Variants in RANBP2 observed in about 807,000 individuals in gnomAD.
The protein encoded by RANBP2 is E3 SUMO-protein ligase RanBP2.
RANBP2 carries 57 observed loss-of-function variants against 303.6 expected under a neutral mutation model. The observed-to-expected ratio is 0.19, with a 90% CI of 0.15 to 0.23. The LOEUF is 0.23. RANBP2 is among the 10% of genes least tolerant of loss of function. RANBP2 has a pLI of 1.00. For missense variants in RANBP2, 3,138 were observed against 3,780.8 expected (o/e 0.83, Z 4.46); for synonymous variants, 1,167 against 1,301.5 (o/e 0.90, Z 2.23).
the RANBP2 span, chr2:109,618,810 A>C: frequency 6.0e-6 from 1 of 167,048 alleles, no homozygotes; most frequent in Non-Finnish European, 1.5e-5. Context: ...GTCACATTTC[A>C]CTTTCATGGT....
At chr2:109,538,553 G>A in the RANBP2 span, among the ~76,000 whole-genome samples, 1 of 152,234 alleles carries the variant, frequency 6.6e-6, no homozygotes, top group Non-Finnish European at 1.5e-5. Context: ...GTCTCACTCT[G>A]TCGTCCAGGC....
At chr2:108,890,706 A>G in the RANBP2 span, among the ~76,000 whole-genome samples, 3 of 152,168 alleles carry the variant, frequency 2.0e-5, no homozygotes, top group Non-Finnish European at 4.4e-5. Context: ...TTGAATGTCT[A>G]AATCTCTAGA....
chr2:108,774,278 G>C (rs1002134756), intron 23 of RANBP2, among the ~76,000 whole-genome samples: 2 of 152,140 alleles, frequency 1.3e-5, no homozygotes, highest in Non-Finnish European at 2.9e-5. Context: ...GTAGTTTTCT[G>C]ATACTGTCTT....
the RANBP2 span, chr2:108,907,776 G>T: frequency 1.3e-6 from 2 of 1,519,254 alleles, no homozygotes; most frequent in Non-Finnish European, 9.1e-7. Flanking sequence ...TTGCAGGAGA[G>T]CTGATTCAAT....
the RANBP2 span, chr2:108,884,540 TG>T: frequency 3.3e-5 from 5 of 152,188 alleles, no homozygotes; most frequent in Non-Finnish European, 5.9e-5. Flanking sequence ...AAGAGATCTT[TG>T]TTTTGTTTTT....
the RANBP2 span, among the ~76,000 whole-genome samples, chr2:108,836,984 A>G: frequency 6.6e-6 from 1 of 151,964 alleles, no homozygotes; most frequent in East Asian, 1.9e-4. Flanking sequence ...CTTTCGACAT[A>G]TAAGGTCATG....
At chr2:108,910,695 CGAG>C in the RANBP2 span, 1 of 1,523,570 alleles carries the variant, frequency 6.6e-7, no homozygotes, top group Non-Finnish European at 9.1e-7. Flanking sequence ...GCAGAAGCAG[CGAG>C]GAGGCTGCTT....
chr2:109,305,818 C>T, the RANBP2 span, among the ~76,000 whole-genome samples: 3 of 152,312 alleles, frequency 2.0e-5, no homozygotes, highest in South Asian at 2.1e-4. Context: ...TGGGGCTGCT[C>T]GGCATCTCTC....
At chr2:109,157,450 C>T in the RANBP2 span, among the ~76,000 whole-genome samples, 1 of 152,162 alleles carries the variant, frequency 6.6e-6, no homozygotes, top group African/African-American at 2.4e-5. Context: ...CATTTTCAAT[C>T]TGTAAAAATA....
the RANBP2 span, among the ~76,000 whole-genome samples, chr2:108,800,384 T>G: frequency 6.6e-6 from 1 of 152,060 alleles, no homozygotes; most frequent in Non-Finnish European, 1.5e-5. Flanking sequence ...CCTGCCTTAA[T>G]CTCCTGAGTA....
At chr2:108,745,934 TCTCA>T (rs1002464669) in intron 7 of RANBP2, among the ~76,000 whole-genome samples, 1 of 148,352 alleles carries the variant, frequency 6.7e-6, no homozygotes, top group African/African-American at 2.5e-5. Context: ...GGAGATAGGG[TCTCA>T]CTCTGTCGCC....
the RANBP2 span, among the ~76,000 whole-genome samples, chr2:109,589,758 A>G: frequency 6.6e-6 from 1 of 152,044 alleles, no homozygotes; most frequent in South Asian, 2.1e-4. Context: ...GCTTGGAGGT[A>G]TCCAAAATAA....
the RANBP2 span, among the ~76,000 whole-genome samples, chr2:108,922,587 A>G: frequency 2.6e-5 from 4 of 152,200 alleles, no homozygotes; most frequent in East Asian, 7.7e-4. Context: ...CCTGGACAAC[A>G]TTATTATGAG....
chr2:109,376,391 C>T, the RANBP2 span, among the ~76,000 whole-genome samples: 9 of 152,202 alleles, frequency 5.9e-5, no homozygotes, highest in Admixed American at 1.3e-4. Flanking sequence ...GACTTGGGGG[C>T]GGGACACAGG....
chr2:109,046,327 C>T, the RANBP2 span, among the ~76,000 whole-genome samples: 1 of 147,974 alleles, frequency 6.8e-6, no homozygotes, highest in Non-Finnish European at 1.5e-5. Flanking sequence ...GAAAAAAAAT[C>T]TGAAAGGATT....
the RANBP2 span, among the ~76,000 whole-genome samples, chr2:109,571,845 T>C: frequency 6.6e-6 from 1 of 152,218 alleles, no homozygotes; most frequent in Non-Finnish European, 1.5e-5. Context: ...CTTCCATTTA[T>C]TCCTGAAAAT....
chr2:108,763,544 G>A lies in RANBP2; in HGVS notation c.3005G>A (p.Gly1002Glu), dbSNP rs1421022459. 1 of 1,614,022 alleles carries A rather than the reference G, an allele frequency of 6.2e-7. No individual in the cohort carries two copies. Among genetic ancestry groups the A allele is most frequent in the Admixed American group, 1.7e-5 (1 of 60,004 alleles). The change falls in exon 20 of 29, where the codon GGG (glycine) becomes GAG (glutamate). Residue 1002 changes from glycine (G) to glutamate (E), a missense_variant. Physicochemically the swap from Gly to Glu is moderately conservative, Grantham distance 98. This residue lies in a region of RANBP2 where 403 missense variants were observed against 376.7 expected (regional missense o/e 1.07). Transcript: ENST00000283195. ...GCAGAATCTAAGACTATAGAATTTGGGAAAACTAATTTTGTTCAGCCCATG... is the reference window on the plus strand; with the variant it reads ...GCAGAATCTAAGACTATAGAATTTGAGAAAACTAATTTTGTTCAGCCCATG... Reference protein sequence around the residue: ...RSAESKTIEFGKTNFVQPMPG... With the variant: ...RSAESKTIEFEKTNFVQPMPG...
the RANBP2 span, among the ~76,000 whole-genome samples, chr2:109,421,745 T>A: frequency 3.5e-4 from 54 of 152,280 alleles, no homozygotes; most frequent in African/African-American, 9.6e-4. Context: ...CTTCTAAGGA[T>A]GACAAGGATT....
At chr2:108,921,064 T>C in the RANBP2 span, among the ~76,000 whole-genome samples, 3 of 151,966 alleles carry the variant, frequency 2.0e-5, no homozygotes, top group Non-Finnish European at 2.9e-5. Context: ...GCAATTCGAG[T>C]CATAAGAAAC....
Sources: allele counts gnomAD v4.1 joint callset (sites outside exome capture counted in the v4.1 genomes callset), GRCh38; gene constraint gnomAD v4.1.1; regional missense constraint gnomAD v4.1.1; transcripts MANE v1.5; gene names NCBI Gene and HGNC (gene_info 2026-07-23, HGNC 2026-07-21).